Variants in MAST4 observed in about 807,000 individuals in gnomAD.
MAST4 encodes the protein microtubule-associated serine/threonine-protein kinase 4.
Under a neutral mutation model 162.7 loss-of-function variants are expected in MAST4, and 89 were observed. The observed-to-expected ratio is 0.55, with a 90% confidence interval of 0.46 to 0.65. MAST4 has a LOEUF of 0.65. MAST4 is among the 30% of genes least tolerant of loss of function. The pLI, the probability that MAST4 is intolerant of heterozygous loss-of-function variation, is 0.00. For synonymous variants in MAST4, 1,479 were observed against 1,361.1 expected (o/e 1.09, Z -1.91); for missense variants, 3,153 against 3,374.0 (o/e 0.93, Z 1.62).
chr5:67,078,917 T>A lies in MAST4; in HGVS notation c.764-11245T>A, dbSNP rs921655727. Among the ~76,000 whole-genome samples the A allele has an allele frequency of 7.6e-3, 420 of 55,066 alleles. 14 individuals are homozygous for A. The highest frequency in any genetic ancestry group is 0.016 in the East Asian group (29 of 1,776). 36.1% of individuals were successfully genotyped at this position (55,066 alleles called of 152,430 possible). The stretch of plus-strand genomic sequence containing the variant: ...ATTTATATATTTTTATATAAATATA[T>A]ATATATATATATATATATATATATA... On this transcript the variant is annotated intron_variant, in intron 5 of 28. Transcript: ENST00000403625.
chr5:66,853,255 A>G (rs2149816827), intron 3 of MAST4, among the ~76,000 whole-genome samples: 1 of 152,350 alleles, frequency 6.6e-6, no homozygotes, highest in Non-Finnish European at 1.5e-5. Flanking sequence ...GAGTAAGTGT[A>G]ACTGGTCTAG....
At chr5:67,161,506 TAA>T (rs1278327774) in intron 27 of MAST4, among the ~76,000 whole-genome samples, 1 of 152,210 alleles carries the variant, frequency 6.6e-6, no homozygotes, top group African/African-American at 2.4e-5. Flanking sequence ...GGTGGTTGTA[TAA>T]GAGCTTAATT....
chr5:66,918,051 C>T (rs564480514), intron 4 of MAST4, among the ~76,000 whole-genome samples: 3 of 152,186 alleles, frequency 2.0e-5, no homozygotes, highest in African/African-American at 7.2e-5. Flanking sequence ...TACTGAGAAA[C>T]TAAAGGTTAC....
intron 5 of MAST4, among the ~76,000 whole-genome samples, chr5:67,064,871 C>G (rs1760047086): frequency 6.6e-6 from 1 of 152,168 alleles, no homozygotes; most frequent in Admixed American, 6.6e-5. Flanking sequence ...AAATAGTCAA[C>G]TTCTTGAAGT....
chr5:67,115,584 C>A (rs1466852611), intron 12 of MAST4, among the ~76,000 whole-genome samples: 1 of 152,170 alleles, frequency 6.6e-6, no homozygotes, highest in Non-Finnish European at 1.5e-5. Flanking sequence ...CTGAAAAGTT[C>A]CCTGGGGAGA....
At chr5:66,687,672 C>T (rs954536632) in intron 1 of MAST4, among the ~76,000 whole-genome samples, 37 of 134,688 alleles carry the variant, frequency 2.7e-4, no homozygotes, top group Admixed American at 3.6e-4. Context: ...ATCTATCTAT[C>T]TATCTATACG....
At chr5:66,604,059 A>G (rs918052896) in intron 1 of MAST4, among the ~76,000 whole-genome samples, 4 of 152,182 alleles carry the variant, frequency 2.6e-5, no homozygotes, top group Non-Finnish European at 5.9e-5. Context: ...GGATTGGATA[A>G]TAGTCATCTG....
intron 1 of MAST4, among the ~76,000 whole-genome samples, chr5:66,753,140 G>T (rs1440615468): frequency 6.6e-6 from 1 of 151,780 alleles, no homozygotes; most frequent in Admixed American, 6.6e-5. Flanking sequence ...TCTCTGGGAC[G>T]CATTCAAAGC....
intron 10 of MAST4, among the ~76,000 whole-genome samples, chr5:67,108,125 G>T (rs551682273): frequency 6.6e-6 from 1 of 152,062 alleles, no homozygotes; most frequent in Non-Finnish European, 1.5e-5. Context: ...GAACTAAGAA[G>T]GTAGAATAAA....
chr5:67,066,066 G>T (rs1166611321), intron 5 of MAST4, among the ~76,000 whole-genome samples: 1 of 151,964 alleles, frequency 6.6e-6, no homozygotes, highest in Non-Finnish European at 1.5e-5. Context: ...ATTTAGAAGT[G>T]TATAAATACA....
At chr5:67,157,913 A>G (rs1208105618) in intron 26 of MAST4, among the ~76,000 whole-genome samples, 1 of 152,264 alleles carries the variant, frequency 6.6e-6, no homozygotes, top group Non-Finnish European at 1.5e-5. Flanking sequence ...AAATAAATCT[A>G]TGCTTTTAAA....
At chr5:66,988,939 G>A (rs1313782800) in intron 4 of MAST4, among the ~76,000 whole-genome samples, 5 of 152,134 alleles carry the variant, frequency 3.3e-5, no homozygotes, top group Non-Finnish European at 4.4e-5. Context: ...AGACATATTT[G>A]TAAACATAAT....
At chr5:66,833,434 A>G (rs1195800761) in intron 3 of MAST4, among the ~76,000 whole-genome samples, 1 of 152,130 alleles carries the variant, frequency 6.6e-6, no homozygotes, top group Non-Finnish European at 1.5e-5. Context: ...CAGAGTCCAT[A>G]TCACTGCCCT....
chr5:66,828,742 TAA>T (rs946843455), intron 3 of MAST4: 1 of 1,529,294 alleles, frequency 6.5e-7, no homozygotes, highest in African/African-American at 1.4e-5. Flanking sequence ...GAGCGTGATG[TAA>T]GTGTTTAGCA....
chr5:66,721,011 C>A (rs1350648092), intron 1 of MAST4, among the ~76,000 whole-genome samples: 4 of 151,776 alleles, frequency 2.6e-5, no homozygotes, highest in Admixed American at 6.6e-5. Context: ...ACACTTCTGC[C>A]TAGAGCCAGT....
At chr5:66,890,315 T>C (rs938890308) in intron 3 of MAST4, among the ~76,000 whole-genome samples, 1 of 152,206 alleles carries the variant, frequency 6.6e-6, no homozygotes, top group Admixed American at 6.5e-5. Flanking sequence ...ATGTAAACTT[T>C]GACTTAGGAG....
chr5:66,719,878 A>G (rs1751085917), intron 1 of MAST4, among the ~76,000 whole-genome samples: 1 of 152,078 alleles, frequency 6.6e-6, no homozygotes, highest in Non-Finnish European at 1.5e-5. Context: ...GCCTGAATTT[A>G]TGCTCGAGAA....
chr5:67,043,927 A>G (rs1050485422), intron 4 of MAST4, among the ~76,000 whole-genome samples: 2 of 151,882 alleles, frequency 1.3e-5, no homozygotes, highest in Admixed American at 1.3e-4. Flanking sequence ...ATTTGATCTG[A>G]CCTTTCCCCA....
At chr5:67,072,794 C>T (rs556423974) in intron 5 of MAST4, among the ~76,000 whole-genome samples, 1 of 152,146 alleles carries the variant, frequency 6.6e-6, no homozygotes, top group Non-Finnish European at 1.5e-5. Context: ...CATAACCCCA[C>T]CCCCACTGCC....
Sources: gnomAD v4.1 joint callset for allele counts (sites outside exome capture counted in the v4.1 genomes callset) on GRCh38, gnomAD v4.1.1 for gene constraint, MANE v1.5 for transcripts, NCBI Gene and HGNC (gene_info 2026-07-23, HGNC 2026-07-21) for gene names.